The following TLR1 variants were observed in gnomAD, a reference collection of about 807,000 sequenced individuals.
TLR1 encodes the protein toll like receptor 1.
TLR1 carries 19 observed loss-of-function variants against 20.2 expected under a neutral mutation model. The observed-to-expected ratio is 0.94, with a 90% CI of 0.66 to 1.38. The LOEUF (loss-of-function observed/expected upper bound fraction) is 1.38, where lower values mean the gene tolerates loss of function less well. TLR1 is among the 40% of genes most tolerant of loss of function. TLR1 has a pLI of 0.00. For missense variants in TLR1, 921 were observed against 910.0 expected, an observed-to-expected ratio of 1.01 and a Z score of -0.16; for synonymous variants, 320 against 334.5, an observed-to-expected ratio of 0.96 and a Z score of 0.47.
At position 38,797,279 on chromosome 4, in the gene TLR1, G is replaced by A. The variant is rs759045186; in HGVS notation, c.1553C>T (p.Ser518Leu). 28 of 1,613,998 alleles carry A rather than the reference G, an allele frequency of 1.7e-5. No homozygotes were observed. The South Asian group carries it at 2.9e-4, about 16-fold the overall frequency. Residue 518 changes from serine (S) to leucine (L), a missense_variant, in exon 4 of 4, where the codon TCA (serine) becomes TTA (leucine). Ser to Leu is a moderately radical substitution (Grantham distance 145). Coordinates refer to ENST00000308979, the MANE Select transcript of TLR1 (RefSeq NM_003263.4). The stretch of plus-strand genomic sequence containing the variant: ...GAATGGATTGTCCCCTGCTTTTATT[G>A]ACCTCATCTTCTGGCAGCTCTGGAA... ...DFFQSCQKMR[S>L]IKAGDNPFQC...
chr4:38,790,514 A>G (rs1725690405), downstream of TLR1, among the ~76,000 whole-genome samples: 1 of 151,874 alleles, frequency 6.6e-6, no homozygotes, highest in African/African-American at 2.4e-5. Flanking sequence ...GGAAGCTTTT[A>G]CTATTGTTGT....
rs138016555 is a variant in TLR1 at position 38,797,099 on chromosome 4, T to G, written c.1733A>C (p.Asn578Thr). 4.3e-6 allele frequency: 7 copies of G among 1,614,252 alleles called. No homozygotes were observed. Among genetic ancestry groups the G allele is most frequent in the Non-Finnish European group, 5.9e-6 (7 of 1,180,046 alleles). The stretch of plus-strand genomic sequence containing the variant: ...GATGGTGACGATCAGCAGAGTTATG[T>G]TGCAGGATAATTCAGACATGTGAAA... Reference protein sequence around the residue: ...KDFHMSELSCNITLLIVTIVA... With the variant: ...KDFHMSELSCTITLLIVTIVA... The change falls in exon 4 of 4, where the codon AAC becomes ACC. Residue 578 changes from asparagine (N) to threonine (T), a missense_variant. By Grantham distance (65) the Asn-to-Thr change is moderately conservative. Transcript: ENST00000308979.
chr4:38,793,828 T>C (rs1039439093), downstream of TLR1, among the ~76,000 whole-genome samples: 2 of 151,896 alleles, frequency 1.3e-5, no homozygotes, highest in African/African-American at 4.8e-5. Context: ...GAGATGTACT[T>C]AGTTAAAATG....
At position 38,796,642 on chromosome 4, in the gene TLR1, C is replaced by A; in HGVS notation, c.2190G>T (p.Leu730Phe). The change falls in exon 4 of 4, where the codon TTG becomes TTT. Residue 730 changes from leucine to phenylalanine, a missense_variant. Leu to Phe is a conservative substitution (Grantham distance 22, BLOSUM62 0). Transcript: ENST00000308979. The part of the protein sequence containing the change: ...HEGSNSLILI[L>F]LEPIPQYSIP... ...TGGAGTACTGCGGAATGGGTTCCAG[C>A]AAGATCAGGATTAAGCTATTAGATC... 1 of 1,614,126 alleles carries A rather than the reference C, an allele frequency of 6.2e-7. No individual in the cohort carries two copies. Among genetic ancestry groups the A allele is most frequent in the Non-Finnish European group, 8.5e-7 (1 of 1,180,020 alleles).
At chr4:38,802,917 C>T (rs1364569448) in intron 2 of TLR1, among the ~76,000 whole-genome samples, 2 of 152,190 alleles carry the variant, frequency 1.3e-5, no homozygotes, top group Non-Finnish European at 2.9e-5. Flanking sequence ...AATTGCCCTG[C>T]TGACGCTGTA....
exon 4 of TLR1, chr4:38,791,210 A>G (rs1396041624): frequency 3.9e-5 from 6 of 152,190 alleles, no homozygotes; most frequent in Non-Finnish European, 8.8e-5. Flanking sequence ...CTTCTCTGAA[A>G]TCCTCAGGAG....
chr4:38,801,691 G>A (rs56404483), intron 2 of TLR1, among the ~76,000 whole-genome samples: 11 of 152,310 alleles, frequency 7.2e-5, no homozygotes, highest in South Asian at 4.1e-4. Context: ...GCATGAGTGC[G>A]AGAGCTTGGC....
At position 38,798,643 on chromosome 4, in the gene TLR1, AG is replaced by A; in HGVS notation, c.188del (p.Ser63LeufsTer9). The A allele has an allele frequency of 1.2e-6, 2 of 1,613,886 alleles. No homozygotes were observed. The highest frequency in any genetic ancestry group is 2.2e-5 in the South Asian group (2 of 91,044). On this transcript the variant is annotated frameshift_variant, in exon 4 of 4. Coordinates refer to ENST00000308979, the MANE Select transcript of TLR1 (RefSeq NM_003263.4). LOFTEE classifies it low-confidence loss of function (END_TRUNC). Reference sequence around the variant, plus strand: ...TCAGTTTTGACAGTGATAAGATGTCAGAAGTCCAAAGCTCAGATATATAATT... The same window carrying A: ...TCAGTTTTGACAGTGATAAGATGTCAAAGTCCAAAGCTCAGATATATAATT... Reference protein sequence around the residue: ...SQNYISELWTSDILSLSKLRI... With the variant: ...SQNYISELWTXDILSLSKLRI...
In TLR1 at chr4:38,798,468, A is replaced by G; in HGVS notation, c.364T>C (p.Ser122Pro). The change falls in exon 4 of 4, where the codon TCA (serine) becomes CCA (proline). Residue 122 changes from serine to proline, a missense_variant. By Grantham distance (74) the Ser-to-Pro change is moderately conservative. Coordinates refer to ENST00000308979, the MANE Select transcript of TLR1 (RefSeq NM_003263.4). ...PTVNLKHLDL[S>P]FNAFDALPIC... ...GGCAGGGCATCAAATGCATTAAATG[A>G]CAGGTCCAAGTGCTTGAGGTTCACA... 6.2e-7 allele frequency: 1 copy of G among 1,614,132 alleles called. No individual in the cohort carries two copies. Among genetic ancestry groups the G allele is most frequent in the Non-Finnish European group, 8.5e-7 (1 of 1,179,980 alleles).
chr4:38,804,581 C>T (rs1258218219), intron 1 of TLR1, among the ~76,000 whole-genome samples, 173 bp downstream of exon 1: 1 of 152,148 alleles, frequency 6.6e-6, no homozygotes, highest in Non-Finnish European at 1.5e-5. Context: ...TGATTTAGGA[C>T]TCAGAACTGA....
At position 38,797,113 on chromosome 4, in the gene TLR1, A is replaced by T; in HGVS notation, c.1719T>A (p.Ser573=). 1.2e-6 allele frequency: 2 copies of T among 1,614,242 alleles called. No homozygotes were observed. The highest frequency in any genetic ancestry group is 1.7e-6 in the Non-Finnish European group (2 of 1,180,042). Residue 573 remains serine, a synonymous_variant, in exon 4 of 4, where the codon TCT becomes TCA. Coordinates refer to ENST00000308979, the MANE Select transcript of TLR1 (RefSeq NM_003263.4). ...GCAGAGTTATGTTGCAGGATAATTC[A>T]GACATGTGAAAGTCCTTTAGTAGGG... ...RGTLLKDFHM[S]ELSCNITLLI...
Position 38,796,380 on chromosome 4 carries a change from T to C in TLR1, c.*91A>G, listed in dbSNP as rs779558590. The C allele has an allele frequency of 7.1e-7, 1 of 1,416,702 alleles. No individual in the cohort carries two copies. 87.8% of individuals were successfully genotyped at this position (1,416,702 alleles called of 1,614,324 possible). ...TACATCATACACTCACAATTGTGTT[T>C]ACATCTATGCTGATGCAAAATAAAG... is the stretch of plus-strand genomic sequence containing the variant. On this transcript the variant is annotated 3_prime_UTR_variant, in exon 4 of 4. Coordinates refer to ENST00000308979, the MANE Select transcript of TLR1 (RefSeq NM_003263.4).
downstream of TLR1, among the ~76,000 whole-genome samples, chr4:38,791,885 G>A (rs967969408): frequency 3.3e-5 from 5 of 152,174 alleles, no homozygotes; most frequent in Non-Finnish European, 5.9e-5. Flanking sequence ...AAGCAGAGAA[G>A]GAGTACATAA....
At chr4:38,794,583 A>G (rs1263190669), downstream of TLR1, 1 of 151,610 alleles carries the variant, frequency 6.6e-6, no homozygotes, top group Non-Finnish European at 1.5e-5. Flanking sequence ...TCCATTCTTC[A>G]TCATTACACA....
rs200594956 is a variant in TLR1, at chr4:38,797,292, G to A, written c.1540C>T (p.Gln514Ter). 1.6e-5 allele frequency: 26 copies of A among 1,613,992 alleles called. No individual in the cohort carries two copies. The highest frequency in any genetic ancestry group is 2.2e-5 in the Non-Finnish European group (26 of 1,180,014). Reference sequence around the variant, plus strand: ...CCTGCTTTTATTGACCTCATCTTCTGGCAGCTCTGGAAGAAATCAGCCGAT... The same window carrying A: ...CCTGCTTTTATTGACCTCATCTTCTAGCAGCTCTGGAAGAAATCAGCCGAT... ...HPSADFFQSC[Q>*]KMRSIKAGDN... The change falls in exon 4 of 4, where the codon CAG becomes TAG. Residue 514 changes from glutamine (Q) to a stop codon, truncating the protein, a stop_gained. Transcript: ENST00000308979. LOFTEE classifies it high-confidence loss of function.
At chr4:38,803,326 G>C (rs5743575) in intron 2 of TLR1, among the ~76,000 whole-genome samples, 1 of 151,988 alleles carries the variant, frequency 6.6e-6, no homozygotes, top group Non-Finnish European at 1.5e-5. Flanking sequence ...AACTTGCCTC[G>C]GTCTCTCACT....
chr4:38,788,808 G>T (rs111838156), downstream of TLR1, among the ~76,000 whole-genome samples: 5 of 152,154 alleles, frequency 3.3e-5, no homozygotes, highest in African/African-American at 1.2e-4. Context: ...GGAGTTCAAG[G>T]CCAGCCTGGG....
chr4:38,791,199 T>C (rs952563742), exon 4 of TLR1: 1 of 152,166 alleles, frequency 6.6e-6, no homozygotes, highest in South Asian at 2.1e-4. Flanking sequence ...GAAGTCCAGC[T>C]CTTCTCTGAA....
rs886166302 is a variant in TLR1, at chr4:38,796,344, ATATT to A, written c.*123_*126del. 4 of 1,036,230 alleles carry A rather than the reference ATATT, an allele frequency of 3.9e-6. No individual in the cohort carries two copies. In the African/African-American group the frequency reaches 6.4e-5, roughly 17 times the overall value. The allele number at this position is 1,036,230 out of a possible 1,614,324, so 64.2% of individuals were successfully genotyped here. A position where few individuals can be genotyped will look rare whatever the true frequency, so the allele number is the denominator to read the frequency against. ...ATGGTGAACTGCGACCCGAAGGTAT[ATATT>A]TTTACCTACATCATACACTCACAAT... On this transcript the variant is annotated 3_prime_UTR_variant, in exon 4 of 4. Coordinates refer to ENST00000308979, the MANE Select transcript of TLR1 (RefSeq NM_003263.4).
Sources: allele counts gnomAD v4.1 joint callset (sites outside exome capture counted in the v4.1 genomes callset), GRCh38; gene constraint gnomAD v4.1.1; transcripts MANE v1.5; gene names NCBI Gene and HGNC (gene_info 2026-07-23, HGNC 2026-07-21).